TMEM232: variants seen among roughly 807,000 people sequenced by gnomAD.
TMEM232 encodes the protein transmembrane protein 232.
TMEM232 carries 80 observed loss-of-function variants against 78.8 expected under a neutral mutation model. That is an observed-to-expected ratio of 1.01 (90% CI 0.85 to 1.22). The LOEUF is 1.22. Among genes scored for constraint, TMEM232 ranks in the 50% most tolerant of loss-of-function variants. TMEM232 has a pLI of 0.00. For missense variants in TMEM232, 881 were observed against 742.2 expected (o/e 1.19, Z -2.17); for synonymous variants, 297 against 254.3 (o/e 1.17, Z -1.60).
At chr5:110,535,039 T>C (rs1772116108) in intron 11 of TMEM232, among the ~76,000 whole-genome samples, 1 of 152,070 alleles carries the variant, frequency 6.6e-6, no homozygotes, top group Non-Finnish European at 1.5e-5. Context: ...TATCTCTCCA[T>C]ACCACCCCCC....
chr5:110,580,507 T>A (rs779967292), intron 10 of TMEM232, among the ~76,000 whole-genome samples: 19 of 151,732 alleles, frequency 1.3e-4, no homozygotes, highest in Admixed American at 1.3e-4. Context: ...TGCCTAATGA[T>A]GCATTTTTAA....
intron 11 of TMEM232, among the ~76,000 whole-genome samples, chr5:110,541,772 C>T (rs976635403): frequency 1.3e-5 from 2 of 152,068 alleles, no homozygotes; most frequent in African/African-American, 2.4e-5. Context: ...TTATCTGAAG[C>T]CCTTTCTAAA....
chr5:110,461,822 A>G (rs1224077090), intron 12 of TMEM232, among the ~76,000 whole-genome samples: 4 of 152,184 alleles, frequency 2.6e-5, no homozygotes, highest in African/African-American at 7.2e-5. Flanking sequence ...AGCCTAAATG[A>G]CAGCACATGT....
chr5:110,406,261 T>TACAC (rs763984190), intron 2 of TMEM232, among the ~76,000 whole-genome samples: 3 of 53,394 alleles, frequency 5.6e-5, no homozygotes, highest in Non-Finnish European at 1.0e-4. Context: ...GACACAGATA[T>TACAC]ATATACACAC....
chr5:110,575,099 C>T (rs945351669), intron 10 of TMEM232, among the ~76,000 whole-genome samples: 1 of 151,738 alleles, frequency 6.6e-6, no homozygotes, highest in African/African-American at 2.4e-5. Flanking sequence ...TAGCAGGATA[C>T]AAAGAATTCT....
chr5:110,677,015 C>A (rs1792113454), intron 1 of TMEM232, among the ~76,000 whole-genome samples: 1 of 152,110 alleles, frequency 6.6e-6, no homozygotes, highest in African/African-American at 2.4e-5. Context: ...CCTGCCATAG[C>A]CTCCCAAAAT....
intron 11 of TMEM232, among the ~76,000 whole-genome samples, chr5:110,560,697 A>G (rs1181247875): frequency 1.3e-5 from 2 of 152,208 alleles, no homozygotes; most frequent in African/African-American, 4.8e-5. Context: ...ATACTCAACT[A>G]TATTTGTATT....
rs1786605521 is a variant in TMEM232 at position 110,640,973 on chromosome 5, C to T, written c.261G>A (p.Leu87=). The T allele has an allele frequency of 6.5e-7, 1 of 1,532,636 alleles. No homozygotes were observed. The highest frequency in any genetic ancestry group is 1.3e-5 in the South Asian group (1 of 79,898). The allele number at this position is 1,532,636 out of a possible 1,614,324, so 94.9% of individuals were successfully genotyped here. Residue 87 remains leucine, a synonymous_variant, in exon 4 of 14, where the codon CTG becomes CTA. Transcript: ENST00000455884. ...RCKRKLGLKT[L]GSGRHVHLPA... ...GAAGATGCACATGCCTTCCAGAGCC[C>T]AGGGTTTTGAGACCCAATTTTCTCT...
rs148652027 is a variant in TMEM232 at position 110,568,476 on chromosome 5, G to A, written c.1426C>T (p.Arg476Ter). Residue 476 changes from arginine (R) to a stop codon, truncating the protein, a stop_gained, in exon 11 of 14, where the codon CGA becomes TGA. Coordinates refer to ENST00000455884, the MANE Select transcript of TMEM232 (RefSeq NM_001039763.4). LOFTEE classifies it high-confidence loss of function. ...QKTKDYEEDV[R>*]IQNAINIAQA... ...GCTATATTGATTGCATTTTGGATTC[G>A]TACATCTTCCTCATAATCCTTTGTT... The A allele has an allele frequency of 1.1e-4, 175 of 1,547,580 alleles. No homozygotes were observed. The highest frequency in any genetic ancestry group is 1.4e-4 in the Non-Finnish European group (160 of 1,144,996).
At chr5:110,685,541 T>C (rs1429440506) in intron 1 of TMEM232, among the ~76,000 whole-genome samples, 1 of 152,120 alleles carries the variant, frequency 6.6e-6, no homozygotes, top group Non-Finnish European at 1.5e-5. Context: ...AATGAAACTC[T>C]AATATGTTGC....
At chr5:110,554,102 G>A (rs1400648933) in intron 11 of TMEM232, among the ~76,000 whole-genome samples, 1 of 152,136 alleles carries the variant, frequency 6.6e-6, no homozygotes, top group Non-Finnish European at 1.5e-5. Flanking sequence ...TTGGATTGAA[G>A]GATACAAAGT....
Position 110,636,961 on chromosome 5 carries a change from T to A in TMEM232, c.501+1237A>T, listed in dbSNP as rs574654846. On this transcript the variant is annotated intron_variant, in intron 5 of 13. Transcript: ENST00000455884. ...TATTTTGTAGCTATTTTTTTCTTGC[T>A]AGCAGAAATACAAAAGGCAAGAAAT... is the stretch of plus-strand genomic sequence containing the variant. 2.6e-5 allele frequency among the ~76,000 whole-genome samples: 4 copies of A among 151,942 alleles called. No individual in the cohort carries two copies. The East Asian group carries it at 7.7e-4, about 29-fold the overall frequency.
chr5:110,598,858 T>C (rs1265741686), intron 10 of TMEM232, among the ~76,000 whole-genome samples: 1 of 101,320 alleles, frequency 9.9e-6, no homozygotes, highest in Non-Finnish European at 1.9e-5. Context: ...CTGGGGACTG[T>C]TGTGGGGTGG....
intron 1 of TMEM232, among the ~76,000 whole-genome samples, chr5:110,688,314 A>G (rs1391063217): frequency 1.3e-5 from 2 of 152,194 alleles, no homozygotes; most frequent in Non-Finnish European, 2.9e-5. Flanking sequence ...GCTGCCTTAT[A>G]TTATGATTTC....
intron 1 of TMEM232, among the ~76,000 whole-genome samples, chr5:110,722,021 G>A (rs1331660733): frequency 6.6e-6 from 1 of 151,810 alleles, no homozygotes; most frequent in East Asian, 1.9e-4. Context: ...TGAATTCCAG[G>A]GCAGTATTTT....
intron 2 of TMEM232, among the ~76,000 whole-genome samples, chr5:110,656,277 T>TA (rs1284010563): frequency 2.0e-5 from 3 of 152,198 alleles, no homozygotes; most frequent in African/African-American, 7.2e-5. Flanking sequence ...GATCATAGTG[T>TA]ACATGCAGAC....
At chr5:110,715,393 A>C (rs754309064) in intron 1 of TMEM232, among the ~76,000 whole-genome samples, 4 of 152,198 alleles carry the variant, frequency 2.6e-5, no homozygotes, top group Admixed American at 1.3e-4. Flanking sequence ...ATAAGAAATA[A>C]TACTAAACTG....
chr5:110,669,535 C>CA (rs890096915), intron 1 of TMEM232, among the ~76,000 whole-genome samples: 24 of 152,128 alleles, frequency 1.6e-4, no homozygotes, highest in Admixed American at 7.9e-4. Flanking sequence ...GATTCACAGC[C>CA]AAATTCTACC....
At chr5:110,534,504 T>C (rs140953927) in intron 11 of TMEM232, among the ~76,000 whole-genome samples, 2,806 of 152,316 alleles carry the variant, frequency 0.018, 101 homozygotes, top group African/African-American at 0.065. Flanking sequence ...CTCCTTTTTA[T>C]TAGGCCCCAG....
Sources: gnomAD v4.1 joint callset for allele counts (sites outside exome capture counted in the v4.1 genomes callset) on GRCh38, gnomAD v4.1.1 for gene constraint, MANE v1.5 for transcripts, NCBI Gene and HGNC (gene_info 2026-07-23, HGNC 2026-07-21) for gene names.